THSD7A: variants seen among roughly 807,000 people sequenced by gnomAD.
THSD7A encodes the protein thrombospondin type 1 domain containing 7A.
A neutral mutation model predicts 231.3 loss-of-function variants in THSD7A; 96 were observed. That is an observed-to-expected ratio of 0.41 (90% CI 0.35 to 0.49). The LOEUF (loss-of-function observed/expected upper bound fraction) is 0.49, where lower values mean the gene tolerates loss of function less well. THSD7A is among the 20% of genes least tolerant of loss of function. THSD7A has a pLI of 0.05. For missense variants in THSD7A, 2,290 were observed against 2,070.2 expected (o/e 1.11, Z -2.06); for synonymous variants, 940 against 743.3 (o/e 1.26, Z -4.30).
At chr7:11,820,786 G>A in intron 1 of THSD7A, 1 of 1,185,282 alleles carries the variant, frequency 8.4e-7, no homozygotes, top group Non-Finnish European at 1.3e-6. Context: ...AGGAAGAGGA[G>A]GAGGATCTGG....
intron 4 of THSD7A, among the ~76,000 whole-genome samples, chr7:11,546,526 C>T (rs1789407451): frequency 6.6e-6 from 1 of 152,142 alleles, no homozygotes; most frequent in South Asian, 2.1e-4. Context: ...CACTGTCAAA[C>T]CCTCAAGGAC....
chr7:11,673,402 A>T (rs1332938408), intron 1 of THSD7A, among the ~76,000 whole-genome samples: 1 of 152,126 alleles, frequency 6.6e-6, no homozygotes, highest in African/African-American at 2.4e-5. Flanking sequence ...AACACAACCC[A>T]TAGGCACCCA....
chr7:11,525,019 G>A (rs10261013), intron 6 of THSD7A, among the ~76,000 whole-genome samples: 39,184 of 152,080 alleles, frequency 0.26, 6,270 homozygotes, highest in African/African-American at 0.45. Flanking sequence ...TGAAAGGCAC[G>A]TTCTTCATAC....
At position 11,372,280 on chromosome 7, in the gene THSD7A, A is replaced by AT. The variant is rs891026888; in HGVS notation, c.*3513dup. The AT allele has an allele frequency of 6.7e-6, 1 of 149,158 alleles. No homozygotes were observed. Among genetic ancestry groups the AT allele is most frequent in the South Asian group, 2.1e-4 (1 of 4,766 alleles). 9.2% of individuals were successfully genotyped at this position (149,158 alleles called of 1,614,324 possible). A position where few individuals can be genotyped will look rare whatever the true frequency, so the allele number is the denominator to read the frequency against. Reference sequence around the variant, plus strand: ...TCAGTGCTATCTTCACTCATTAAGCATTTTTTCCTTCTTTTGGATGTCTGT... The same window carrying AT: ...TCAGTGCTATCTTCACTCATTAAGCATTTTTTTCCTTCTTTTGGATGTCTGT... On this transcript the variant is annotated 3_prime_UTR_variant, in exon 28 of 28. Transcript: ENST00000423059.
rs17576766 is a variant in THSD7A, at chr7:11,637,461, C to T, written c.191-500G>A. Among the ~76,000 whole-genome samples, 32,256 of 152,064 alleles carry T rather than the reference C, an allele frequency of 0.21. 3,701 individuals carry two copies. The highest frequency in any genetic ancestry group is 0.26 in the Admixed American group (4,043 of 15,260). ...CATATTTTATTTTCATAGACTATGA[C>T]TGCAAGGGTCTAATAGTTGTATATC... On this transcript the variant is annotated intron_variant, in intron 1 of 27. Transcript: ENST00000423059. This position sits in a 1 kb window ranked among gnomAD's most constrained non-coding sequence, Gnocchi z 4.2.
At chr7:11,719,473 A>G (rs1781270256) in intron 1 of THSD7A, among the ~76,000 whole-genome samples, 1 of 146,570 alleles carries the variant, frequency 6.8e-6, no homozygotes, top group African/African-American at 2.5e-5. Context: ...TCATAATTAT[A>G]CTCACTCTCA....
At chr7:11,598,414 T>C (rs1391235346) in intron 2 of THSD7A, among the ~76,000 whole-genome samples, 3 of 152,182 alleles carry the variant, frequency 2.0e-5, no homozygotes, top group Non-Finnish European at 4.4e-5. Context: ...ATTCAGCCTC[T>C]TTCCCCAGCC....
intron 4 of THSD7A, among the ~76,000 whole-genome samples, chr7:11,578,357 T>A (rs2128336981): frequency 6.6e-6 from 1 of 152,278 alleles, no homozygotes; most frequent in South Asian, 2.1e-4. Context: ...TAGAATGAAT[T>A]AGTGCAAAAG....
intron 6 of THSD7A, among the ~76,000 whole-genome samples, chr7:11,530,614 G>C (rs1307126879): frequency 1.3e-5 from 2 of 152,156 alleles, no homozygotes; most frequent in African/African-American, 4.8e-5. Context: ...GTGTAATGAA[G>C]GGAGGGGTAG....
chr7:11,721,600 T>G (rs1781355738), intron 1 of THSD7A, among the ~76,000 whole-genome samples: 1 of 151,852 alleles, frequency 6.6e-6, no homozygotes, highest in Admixed American at 6.6e-5. Context: ...AACGGACTAA[T>G]ACACTAACCT....
At chr7:11,545,218 T>C (rs780615653) in intron 4 of THSD7A, among the ~76,000 whole-genome samples, 2 of 152,140 alleles carry the variant, frequency 1.3e-5, no homozygotes, top group Non-Finnish European at 2.9e-5. Flanking sequence ...AGGTTTTGGG[T>C]AGAAGACCTT....
At chr7:11,626,499 G>A (rs1291047641) in intron 2 of THSD7A, among the ~76,000 whole-genome samples, 1 of 152,066 alleles carries the variant, frequency 6.6e-6, no homozygotes, top group Non-Finnish European at 1.5e-5. Flanking sequence ...TGTCCATGAT[G>A]AGATAATCAT....
chr7:11,815,397 A>G (rs538684556), intron 1 of THSD7A, among the ~76,000 whole-genome samples: 2 of 151,614 alleles, frequency 1.3e-5, no homozygotes, highest in African/African-American at 4.8e-5. Flanking sequence ...TGCCTCATCT[A>G]CTCCCCTCAT....
chr7:11,722,323 C>T (rs1236632368), intron 1 of THSD7A, among the ~76,000 whole-genome samples: 1 of 151,864 alleles, frequency 6.6e-6, no homozygotes, highest in Non-Finnish European at 1.5e-5. Context: ...GATGTAGGTG[C>T]AGTTTGCCTT....
At chr7:11,386,889 A>C (rs1005312987) in intron 23 of THSD7A, among the ~76,000 whole-genome samples, 1 of 152,208 alleles carries the variant, frequency 6.6e-6, no homozygotes, top group Non-Finnish European at 1.5e-5. Flanking sequence ...ATTTCTGTAT[A>C]AGGTGTAAGG....
At chr7:11,524,885 G>T (rs554496139) in intron 6 of THSD7A, among the ~76,000 whole-genome samples, 3 of 152,132 alleles carry the variant, frequency 2.0e-5, no homozygotes, top group Non-Finnish European at 2.9e-5. Context: ...AAAAAGAAAG[G>T]CTTTTTGTTC....
At chr7:11,617,447 T>A (rs1015384585) in intron 2 of THSD7A, among the ~76,000 whole-genome samples, 1 of 152,198 alleles carries the variant, frequency 6.6e-6, no homozygotes, top group Non-Finnish European at 1.5e-5. Context: ...GATTCATTCA[T>A]TCACTCTTTC....
intron 1 of THSD7A, among the ~76,000 whole-genome samples, chr7:11,676,682 G>C (rs1783650727): frequency 6.6e-6 from 1 of 152,004 alleles, no homozygotes. Context: ...ATAGAAGATG[G>C]ACTTAATGAA....
At chr7:11,412,506 C>A in intron 18 of THSD7A, 150 bp downstream of exon 18, 1 of 924,432 alleles carries the variant, frequency 1.1e-6, no homozygotes, top group Non-Finnish European at 1.6e-6. Context: ...ATAAGTATTT[C>A]TGTCATTTAA....
Sources: allele counts gnomAD v4.1 joint callset (sites outside exome capture counted in the v4.1 genomes callset), GRCh38; gene constraint gnomAD v4.1.1; non-coding constraint Gnocchi (gnomAD v3.1); transcripts MANE v1.5; gene names NCBI Gene and HGNC (gene_info 2026-07-23, HGNC 2026-07-21).